The following ELOVL7 variants were observed in gnomAD, a reference collection of about 807,000 sequenced individuals.
The protein encoded by ELOVL7 is very long chain fatty acid elongase 7.
In ELOVL7, 27 loss-of-function variants were observed where a neutral mutation model predicts 35.7. The ratio of observed to expected loss-of-function variants is 0.76; its 90% CI spans 0.56 to 1.04. The LOEUF is 1.04. ELOVL7 is among the 50% of genes least tolerant of loss of function. The pLI, the probability that ELOVL7 is intolerant of heterozygous loss-of-function variation, is 0.00. For synonymous variants in ELOVL7, 113 were observed against 114.6 expected, an observed-to-expected ratio of 0.99 and a Z score of 0.09; for missense variants, 327 against 340.8, an observed-to-expected ratio of 0.96 and a Z score of 0.32.
chr5:60,801,844 C>A (rs889316996), intron 1 of ELOVL7, among the ~76,000 whole-genome samples: 5 of 151,938 alleles, frequency 3.3e-5, no homozygotes, highest in African/African-American at 1.2e-4. Flanking sequence ...AGATTCCAGG[C>A]TCTTTGGCCT....
In ELOVL7 at chr5:60,756,536, T is replaced by C. The variant is rs375170299; in HGVS notation, c.636+973A>G. ...AATTAAAATAATATATTTTACCATA[T>C]CCTTATGATTGGTCATTTAGTTTGC... On this transcript the variant is annotated intron_variant, in intron 8 of 8. Coordinates refer to ENST00000508821, the MANE Select transcript of ELOVL7 (RefSeq NM_024930.3). Among the ~76,000 whole-genome samples, 26 of 152,336 alleles carry C rather than the reference T, an allele frequency of 1.7e-4. No individual in the cohort carries two copies. In the East Asian group the frequency reaches 4.6e-3, roughly 27 times the overall value.
intron 1 of ELOVL7, among the ~76,000 whole-genome samples, chr5:60,819,503 T>TG (rs1303079029): frequency 6.6e-6 from 1 of 152,126 alleles, no homozygotes; most frequent in Non-Finnish European, 1.5e-5. Flanking sequence ...GATCATAGGC[T>TG]GGGAACGGTG....
chr5:60,754,741 C>A lies in ELOVL7; in HGVS notation c.729G>T (p.Met243Ile). The part of the protein sequence containing the change: ...YQFPVFACII[M>I]SYSFMFLLLF... Reference sequence around the variant, plus strand: ...GCAGCAGAAACATGAAACTGTAACTCATAATGATGCACGCAAAGACTGGAA... The same window carrying A: ...GCAGCAGAAACATGAAACTGTAACTAATAATGATGCACGCAAAGACTGGAA... The change falls in exon 9 of 9, where the codon ATG (methionine) becomes ATT (isoleucine). Residue 243 changes from methionine to isoleucine, a missense_variant. Physicochemically the swap from Met to Ile is conservative, Grantham distance 10 (BLOSUM62 1). Coordinates refer to ENST00000508821, the MANE Select transcript of ELOVL7 (RefSeq NM_024930.3). 6.2e-7 allele frequency: 1 copy of A among 1,614,108 alleles called. No individual in the cohort carries two copies. Among genetic ancestry groups the A allele is most frequent in the Non-Finnish European group, 8.5e-7 (1 of 1,180,022 alleles).
intron 1 of ELOVL7, among the ~76,000 whole-genome samples, chr5:60,827,291 TC>T (rs1746225684): frequency 6.6e-6 from 1 of 152,222 alleles, no homozygotes. Flanking sequence ...AATATTTCCT[TC>T]CACTATTTAT....
In ELOVL7 at chr5:60,761,494, C is replaced by T. The variant is rs1436353364; in HGVS notation, c.499+2733G>A. Reference sequence around the variant, plus strand: ...ACATTTCTGGGAACAGCTTTTGTTGCTGTGCTTGTCACTGAAATAGGTATC... The same window carrying T: ...ACATTTCTGGGAACAGCTTTTGTTGTTGTGCTTGTCACTGAAATAGGTATC... On this transcript the variant is annotated intron_variant, in intron 7 of 8. Coordinates refer to ENST00000508821, the MANE Select transcript of ELOVL7 (RefSeq NM_024930.3). 6.6e-5 allele frequency among the ~76,000 whole-genome samples: 10 copies of T among 152,230 alleles called. No homozygotes were observed. In the East Asian group the frequency reaches 1.9e-3, roughly 29 times the overall value.
chr5:60,822,284 G>T (rs187789031), intron 1 of ELOVL7, among the ~76,000 whole-genome samples: 2 of 152,264 alleles, frequency 1.3e-5, no homozygotes, highest in East Asian at 3.9e-4. Flanking sequence ...CTGAAAAGGT[G>T]AAATATTATT....
At chr5:60,834,708 C>T (rs1456340755) in intron 1 of ELOVL7, among the ~76,000 whole-genome samples, 1 of 152,094 alleles carries the variant, frequency 6.6e-6, no homozygotes, top group Non-Finnish European at 1.5e-5. Context: ...AGTGAAGGTT[C>T]TGACTACTTA....
Position 60,771,983 on chromosome 5 carries a change from G to T in ELOVL7, c.175C>A (p.Arg59Ser). ...TSLGPKLMENRKPFELKKAMI... is the reference protein window; with the variant it reads ...TSLGPKLMENSKPFELKKAMI... Reference sequence around the variant, plus strand: ...GCTTTCTTGAGTTCAAAGGGCTTGCGATTTTCCATGAGCTTTGGTCCCAAG... The same window carrying T: ...GCTTTCTTGAGTTCAAAGGGCTTGCTATTTTCCATGAGCTTTGGTCCCAAG... The change falls in exon 4 of 9, where the codon CGC (arginine) becomes AGC (serine). Residue 59 changes from arginine (R) to serine (S), a missense_variant. Arg to Ser is a moderately radical substitution (Grantham distance 110). Coordinates refer to ENST00000508821, the MANE Select transcript of ELOVL7 (RefSeq NM_024930.3). The T allele has an allele frequency of 1.9e-6, 3 of 1,613,894 alleles. No homozygotes were observed. Among genetic ancestry groups the T allele is most frequent in the Non-Finnish European group, 2.5e-6 (3 of 1,179,870 alleles).
intron 7 of ELOVL7, among the ~76,000 whole-genome samples, chr5:60,763,714 T>C (rs562881178): frequency 4.6e-5 from 7 of 152,280 alleles, no homozygotes; most frequent in African/African-American, 7.2e-5. Flanking sequence ...CATTCTTTAA[T>C]ATGGTAGGAT....
Position 60,757,552 on chromosome 5 carries a change from T to C in ELOVL7, c.593A>G (p.Gln198Arg). The C allele has an allele frequency of 6.2e-7, 1 of 1,613,534 alleles. No homozygotes were observed. Among genetic ancestry groups the C allele is most frequent in the Non-Finnish European group, 8.5e-7 (1 of 1,179,614 alleles). ...YGLSALGPAY[Q>R]KYLWWKKYLT... ...ATATTTTTTCCACCACAAATACTTC[T>C]GGTAGGCTGGCCCCAATGCAGAAAG... Residue 198 changes from glutamine (Q) to arginine (R), a missense_variant, in exon 8 of 9, where the codon CAG becomes CGG. Physicochemically the swap from Gln to Arg is conservative, Grantham distance 43. Transcript: ENST00000508821.
chr5:60,811,023 C>T (rs1440001009), intron 1 of ELOVL7, among the ~76,000 whole-genome samples: 3 of 152,110 alleles, frequency 2.0e-5, no homozygotes, highest in Non-Finnish European at 4.4e-5. Flanking sequence ...CCAGGTCAAC[C>T]TCTCAACTTT....
chr5:60,795,950 C>T (rs1242877104), intron 2 of ELOVL7, among the ~76,000 whole-genome samples: 2 of 152,214 alleles, frequency 1.3e-5, no homozygotes, highest in Non-Finnish European at 2.9e-5. Flanking sequence ...ATCTTGGGAG[C>T]AGCCCGCCAC....
intron 1 of ELOVL7, among the ~76,000 whole-genome samples, chr5:60,828,904 C>T (rs1008278643): frequency 6.6e-6 from 1 of 152,080 alleles, no homozygotes; most frequent in African/African-American, 2.4e-5. Context: ...GATTGATTGG[C>T]TATTTGATGA....
intron 8 of ELOVL7, among the ~76,000 whole-genome samples, chr5:60,756,928 T>C (rs1741573546): frequency 6.6e-6 from 1 of 152,210 alleles, no homozygotes; most frequent in Non-Finnish European, 1.5e-5. Flanking sequence ...ATTTTGAGAA[T>C]TAATGCTTAG....
intron 7 of ELOVL7, among the ~76,000 whole-genome samples, chr5:60,760,075 T>C (rs1000475428): frequency 1.1e-4 from 16 of 152,224 alleles, no homozygotes; most frequent in Non-Finnish European, 1.9e-4. Flanking sequence ...TCTTTGTTAT[T>C]GTGAATAGTG....
rs553311059 is a variant in ELOVL7 at position 60,818,353 on chromosome 5, A to G, written c.-85-19123T>C. On this transcript the variant is annotated intron_variant, in intron 1 of 8. Transcript: ENST00000508821. ...AAAAAAAAAAAAAAAAGTTATTAAA[A>G]GAATAAAGGAATGAAATAGCTTTAC... Among the ~76,000 whole-genome samples the G allele has an allele frequency of 5.3e-5, 8 of 151,694 alleles. No homozygotes were observed. The East Asian group carries it at 1.2e-3, about 22-fold the overall frequency.
At chr5:60,843,014 G>T (rs1456874010) in intron 1 of ELOVL7, among the ~76,000 whole-genome samples, 1 of 151,986 alleles carries the variant, frequency 6.6e-6, no homozygotes, top group Non-Finnish European at 1.5e-5. Context: ...GCGGGTGCGT[G>T]GTAAGAACGC....
chr5:60,805,706 T>C (rs1744886646), intron 1 of ELOVL7, among the ~76,000 whole-genome samples: 2 of 152,202 alleles, frequency 1.3e-5, no homozygotes, highest in Admixed American at 1.3e-4. Context: ...CTCTGAAATG[T>C]CATTCTTGAT....
At chr5:60,787,189 C>A (rs1289288333) in intron 3 of ELOVL7, 145 bp downstream of exon 3, 3 of 616,788 alleles carry the variant, frequency 4.9e-6, no homozygotes, top group African/African-American at 3.8e-5. Context: ...TGTAATGAAA[C>A]CTGTGCACTT....
Sources: gnomAD v4.1 joint callset for allele counts (sites outside exome capture counted in the v4.1 genomes callset) on GRCh38, gnomAD v4.1.1 for gene constraint, MANE v1.5 for transcripts, NCBI Gene and HGNC (gene_info 2026-07-23, HGNC 2026-07-21) for gene names.